The following GRIK2 variants were observed in gnomAD, a reference collection of about 807,000 sequenced individuals.
The protein encoded by GRIK2 is glutamate ionotropic receptor kainate type subunit 2, also known as glutamate receptor ionotropic, kainate 2.
In GRIK2, 32 loss-of-function variants were observed where a neutral mutation model predicts 100.3. That is an observed-to-expected ratio of 0.32 (90% CI 0.24 to 0.43). The LOEUF is 0.43. Among genes scored for constraint, GRIK2 ranks in the 20% least tolerant of loss-of-function variants. The pLI, the probability that GRIK2 is intolerant of heterozygous loss-of-function variation, is 1.00. For missense variants in GRIK2, 843 were observed against 1,114.9 expected, an observed-to-expected ratio of 0.76 and a Z score of 3.47; for synonymous variants, 417 against 389.4, an observed-to-expected ratio of 1.07 and a Z score of -0.83.
At chr6:101,456,961 A>C (rs1022461828) in intron 2 of GRIK2, among the ~76,000 whole-genome samples, 5 of 152,168 alleles carry the variant, frequency 3.3e-5, no homozygotes, top group African/African-American at 1.2e-4. Flanking sequence ...GCCTAAACAG[A>C]GTGAAGTTAG....
intron 14 of GRIK2, among the ~76,000 whole-genome samples, chr6:101,946,996 C>T (rs118158632): frequency 1.1e-4 from 16 of 152,054 alleles, no homozygotes; most frequent in East Asian, 9.7e-4. Flanking sequence ...TTGAGCAAAA[C>T]GTTGCTACCT....
In GRIK2 at chr6:101,409,690, T is replaced by C. The variant is rs892672635; in HGVS notation, c.115+10298T>C. ...GCCCTTGACTTTCCTGTCTGAAGAA[T>C]GAGTATTATTTGCTACCTGTTTAAC... On this transcript the variant is annotated intron_variant, in intron 2 of 16. Coordinates refer to ENST00000369134, the MANE Select transcript of GRIK2 (RefSeq NM_021956.5). Among the ~76,000 whole-genome samples, 3 of 152,050 alleles carry C rather than the reference T, an allele frequency of 2.0e-5. No homozygotes were observed. The East Asian group carries it at 5.8e-4, about 29-fold the overall frequency.
chr6:101,686,636 G>A (rs1388908508), intron 7 of GRIK2, among the ~76,000 whole-genome samples: 1 of 152,054 alleles, frequency 6.6e-6, no homozygotes, highest in African/African-American at 2.4e-5. Context: ...CCCTACATGG[G>A]AGAAATGAGA....
At chr6:102,043,660 T>C (rs923132347) in intron 15 of GRIK2, among the ~76,000 whole-genome samples, 9 of 151,974 alleles carry the variant, frequency 5.9e-5, no homozygotes, top group Non-Finnish European at 1.0e-4. Context: ...CTCTGATCCA[T>C]TATAAATATA....
At chr6:101,760,716 T>TTA (rs1435325756) in intron 7 of GRIK2, among the ~76,000 whole-genome samples, 1 of 103,746 alleles carries the variant, frequency 9.6e-6, no homozygotes, top group African/African-American at 4.6e-5. Context: ...ATATATTTAA[T>TTA]TATATTTAAT....
At chr6:102,064,161 T>C in intron 16 of GRIK2, 3 of 589,712 alleles carry the variant, frequency 5.1e-6, no homozygotes, top group South Asian at 2.1e-5. Context: ...AATGACACAG[T>C]GCGTGGGTTT....
At chr6:101,611,177 A>T (rs1432476997) in intron 2 of GRIK2, among the ~76,000 whole-genome samples, 6 of 151,850 alleles carry the variant, frequency 4.0e-5, no homozygotes, top group Admixed American at 1.3e-4. Context: ...GTAAAAGCTT[A>T]TTTATTTTTA....
At chr6:101,582,439 G>A (rs145643924) in intron 2 of GRIK2, among the ~76,000 whole-genome samples, 3 of 152,004 alleles carry the variant, frequency 2.0e-5, no homozygotes, top group African/African-American at 7.2e-5. Context: ...TTCCCCCTTC[G>A]CTTGGCTCTC....
At chr6:101,502,898 T>G (rs1006529428) in intron 2 of GRIK2, among the ~76,000 whole-genome samples, 2 of 152,178 alleles carry the variant, frequency 1.3e-5, no homozygotes, top group Admixed American at 1.3e-4. Context: ...ATAAATTCTA[T>G]GGAGGACTTC....
intron 4 of GRIK2, among the ~76,000 whole-genome samples, chr6:101,676,409 C>A (rs562697826): frequency 3.3e-5 from 5 of 152,140 alleles, no homozygotes; most frequent in African/African-American, 1.2e-4. Flanking sequence ...TCAAGTTGCA[C>A]CATTAAATAC....
chr6:101,931,275 A>G (rs747196988), intron 14 of GRIK2, among the ~76,000 whole-genome samples: 4 of 152,108 alleles, frequency 2.6e-5, no homozygotes, highest in Non-Finnish European at 4.4e-5. Context: ...TTTGTAGTGT[A>G]TTTACATTTT....
chr6:101,460,819 A>T (rs2518230), intron 2 of GRIK2, among the ~76,000 whole-genome samples: 86,849 of 152,020 alleles, frequency 0.57, 25,367 homozygotes, highest in African/African-American at 0.69. Context: ...GAGGACATTC[A>T]CAATCAGTCA....
chr6:101,410,115 A>G (rs371010763), intron 2 of GRIK2, among the ~76,000 whole-genome samples: 1 of 152,090 alleles, frequency 6.6e-6, no homozygotes, highest in East Asian at 1.9e-4. Flanking sequence ...ACAAACCAAA[A>G]CTGAAAACAA....
intron 2 of GRIK2, among the ~76,000 whole-genome samples, chr6:101,527,248 T>C (rs990300479): frequency 3.3e-5 from 5 of 152,214 alleles, no homozygotes; most frequent in East Asian, 1.9e-4. Context: ...AAAACTGCTA[T>C]GTTATTATTC....
chr6:101,766,290 G>A (rs1010238972), intron 7 of GRIK2, among the ~76,000 whole-genome samples: 2 of 151,948 alleles, frequency 1.3e-5, no homozygotes, highest in Admixed American at 6.6e-5. Context: ...TTTGTTTAAA[G>A]TGAAGTAGCT....
intron 10 of GRIK2, among the ~76,000 whole-genome samples, chr6:101,828,185 G>A (rs1160930253): frequency 6.6e-6 from 1 of 151,900 alleles, no homozygotes; most frequent in East Asian, 1.9e-4. Flanking sequence ...TGATTTTTGT[G>A]CAAACAATGA....
chr6:101,962,345 A>C (rs1461933342), intron 14 of GRIK2, among the ~76,000 whole-genome samples: 3 of 146,744 alleles, frequency 2.0e-5, no homozygotes, highest in Admixed American at 6.8e-5. Context: ...GAAAAAAAAA[A>C]CCTCAACTCT....
At chr6:102,057,228 T>C (rs1771508312) in intron 16 of GRIK2, among the ~76,000 whole-genome samples, 1 of 151,974 alleles carries the variant, frequency 6.6e-6, no homozygotes, top group Non-Finnish European at 1.5e-5. Context: ...ATGTAATAAT[T>C]TTCTTTAAGT....
At chr6:101,977,383 G>T (rs1481746904) in intron 14 of GRIK2, among the ~76,000 whole-genome samples, 2 of 151,834 alleles carry the variant, frequency 1.3e-5, no homozygotes, top group African/African-American at 4.8e-5. Context: ...GGAAGCAGAA[G>T]TAGGCAAAGA....
Sources: allele counts gnomAD v4.1 joint callset (sites outside exome capture counted in the v4.1 genomes callset), GRCh38; gene constraint gnomAD v4.1.1; transcripts MANE v1.5; gene names NCBI Gene and HGNC (gene_info 2026-07-23, HGNC 2026-07-21).